Variants in ZNF385B observed in about 807,000 individuals in gnomAD.
The protein encoded by ZNF385B is zinc finger protein 385B.
A neutral mutation model predicts 39.2 loss-of-function variants in ZNF385B; 23 were observed. That is an observed-to-expected ratio of 0.59 (90% CI 0.42 to 0.83). The LOEUF is 0.83. Among genes scored for constraint, ZNF385B ranks in the 40% least tolerant of loss-of-function variants. The pLI, the probability that ZNF385B is intolerant of heterozygous loss-of-function variation, is 0.00. For missense variants in ZNF385B, 552 were observed against 598.9 expected, an observed-to-expected ratio of 0.92 and a Z score of 0.82; for synonymous variants, 205 against 222.6, an observed-to-expected ratio of 0.92 and a Z score of 0.70.
chr2:179,819,164 G>A (rs372889388), intron 1 of ZNF385B, among the ~76,000 whole-genome samples: 187 of 152,136 alleles, frequency 1.2e-3, no homozygotes, highest in African/African-American at 4.3e-3. Context: ...TTTGCTAACA[G>A]TGTTATTTGG....
chr2:179,444,875 C>T lies in ZNF385B; in HGVS notation c.1242+1G>A. 1 of 1,613,910 alleles carries T rather than the reference C, an allele frequency of 6.2e-7. No homozygotes were observed. Among genetic ancestry groups the T allele is most frequent in the Non-Finnish European group, 8.5e-7 (1 of 1,179,798 alleles). On this transcript the variant is annotated splice_donor_variant, in intron 9 of 9. Coordinates refer to ENST00000410066, the MANE Select transcript of ZNF385B (RefSeq NM_152520.6). LOFTEE classifies it high-confidence loss of function. Reference sequence around the variant, plus strand: ...CAGGTGAGCAGGTGAGGTAAACTTACTGCTAGAATACTCGGGCTCCGCTGG... The same window carrying T: ...CAGGTGAGCAGGTGAGGTAAACTTATTGCTAGAATACTCGGGCTCCGCTGG...
At position 179,778,946 on chromosome 2, in the gene ZNF385B, C is replaced by A. The variant is rs529882788; in HGVS notation, c.-154-8274G>T. ...ACATAATAATCATTCATGTTTATTT[C>A]TAGCCTTTTAAACATGCATATGATT... On this transcript the variant is annotated intron_variant, in intron 1 of 9. Transcript: ENST00000410066. Among the ~76,000 whole-genome samples the A allele has an allele frequency of 2.0e-5, 3 of 152,256 alleles. No homozygotes were observed. In the South Asian group the frequency reaches 6.2e-4, roughly 32 times the overall value.
At chr2:179,806,664 A>G (rs1706369970) in intron 1 of ZNF385B, among the ~76,000 whole-genome samples, 1 of 152,230 alleles carries the variant, frequency 6.6e-6, no homozygotes, top group Non-Finnish European at 1.5e-5. Context: ...TTAACTCAGA[A>G]AAACCCCACA....
intron 6 of ZNF385B, among the ~76,000 whole-genome samples, chr2:179,475,838 T>TA (rs1225115844): frequency 2.8e-5 from 3 of 105,396 alleles, no homozygotes; most frequent in Non-Finnish European, 6.1e-5. Flanking sequence ...CTAACATGGG[T>TA]AAACCCTGTC....
chr2:179,803,221 G>A (rs1417781006), intron 1 of ZNF385B, among the ~76,000 whole-genome samples: 1 of 152,094 alleles, frequency 6.6e-6, no homozygotes, highest in Non-Finnish European at 1.5e-5. Context: ...ATTATAAATA[G>A]TTCAGTAGAT....
At chr2:179,773,831 T>C (rs2106511312) in intron 1 of ZNF385B, among the ~76,000 whole-genome samples, 1 of 152,334 alleles carries the variant, frequency 6.6e-6, no homozygotes, top group African/African-American at 2.4e-5. Flanking sequence ...CCCTTGCTAG[T>C]TTTCAAGCTC....
chr2:179,709,118 C>G (rs570630615), intron 3 of ZNF385B, among the ~76,000 whole-genome samples: 1 of 152,302 alleles, frequency 6.6e-6, no homozygotes, highest in African/African-American at 2.4e-5. Flanking sequence ...AACAATGAAC[C>G]TTTATCATCT....
intron 3 of ZNF385B, among the ~76,000 whole-genome samples, chr2:179,599,118 G>C (rs1436962259): frequency 2.0e-5 from 3 of 152,188 alleles, no homozygotes; most frequent in East Asian, 3.8e-4. Context: ...GGTCCCTTAA[G>C]ATTATATAAT....
chr2:179,744,497 G>T (rs1333089089), intron 3 of ZNF385B, among the ~76,000 whole-genome samples: 1 of 152,098 alleles, frequency 6.6e-6, no homozygotes, highest in Non-Finnish European at 1.5e-5. Context: ...CTTCTAGCAA[G>T]ATAGTGGCCC....
intron 1 of ZNF385B, among the ~76,000 whole-genome samples, chr2:179,844,226 C>A (rs940115262): frequency 2.6e-5 from 4 of 152,196 alleles, no homozygotes; most frequent in Non-Finnish European, 5.9e-5. Context: ...AAGAATTTAA[C>A]TTCTCTTGAC....
intron 3 of ZNF385B, among the ~76,000 whole-genome samples, chr2:179,668,690 C>A (rs1194021198): frequency 6.7e-6 from 1 of 148,762 alleles, no homozygotes; most frequent in African/African-American, 2.5e-5. Context: ...TACAAAAATT[C>A]ATTGCTACTA....
At chr2:179,761,707 T>G (rs1487705559) in intron 3 of ZNF385B, among the ~76,000 whole-genome samples, 1 of 151,268 alleles carries the variant, frequency 6.6e-6, no homozygotes, top group African/African-American at 2.4e-5. Flanking sequence ...GCCTCCTGAG[T>G]AGCTGGGACT....
At chr2:179,841,762 T>C (rs1294120332) in intron 1 of ZNF385B, among the ~76,000 whole-genome samples, 3 of 152,216 alleles carry the variant, frequency 2.0e-5, no homozygotes, top group African/African-American at 7.2e-5. Context: ...AGAGAATTTC[T>C]TCCTATCCTA....
intron 6 of ZNF385B, among the ~76,000 whole-genome samples, chr2:179,456,980 C>T (rs566753180): frequency 1.6e-4 from 24 of 152,192 alleles, no homozygotes; most frequent in Admixed American, 3.3e-4. Context: ...TATACATTCA[C>T]GTAAATACAA....
At chr2:179,607,211 G>T (rs1358904461) in intron 3 of ZNF385B, among the ~76,000 whole-genome samples, 1 of 152,102 alleles carries the variant, frequency 6.6e-6, no homozygotes, top group East Asian at 1.9e-4. Context: ...ATGTGGGGAA[G>T]CAGGGTGAGT....
chr2:179,615,339 C>A (rs779533602), intron 3 of ZNF385B, among the ~76,000 whole-genome samples: 1 of 152,156 alleles, frequency 6.6e-6, no homozygotes, highest in Non-Finnish European at 1.5e-5. Context: ...TATAGTGTTT[C>A]TTAAAGTGTG....
chr2:179,463,088 A>T (rs1181025229), intron 6 of ZNF385B, among the ~76,000 whole-genome samples: 1 of 152,180 alleles, frequency 6.6e-6, no homozygotes, highest in East Asian at 1.9e-4. Context: ...ATATAAAGAC[A>T]TGATTATATA....
chr2:179,510,300 A>G (rs1033287753), intron 5 of ZNF385B, among the ~76,000 whole-genome samples: 5 of 13,492 alleles, frequency 3.7e-4, no homozygotes, highest in African/African-American at 6.4e-4. Context: ...TGAAGCTGCT[A>G]TCTATCTTAA....
chr2:179,857,871 TCAAC>T (rs1344716145), intron 1 of ZNF385B, among the ~76,000 whole-genome samples: 3 of 152,194 alleles, frequency 2.0e-5, no homozygotes, highest in Non-Finnish European at 2.9e-5. Flanking sequence ...AATGACTGGA[TCAAC>T]CAACCAACGA....
Sources: gnomAD v4.1 joint callset for allele counts (sites outside exome capture counted in the v4.1 genomes callset) on GRCh38, gnomAD v4.1.1 for gene constraint, MANE v1.5 for transcripts, NCBI Gene and HGNC (gene_info 2026-07-23, HGNC 2026-07-21) for gene names.